Variants in USP13 observed in about 807,000 individuals in gnomAD.
The protein encoded by USP13 is ubiquitin carboxyl-terminal hydrolase 13.
USP13 carries 68 observed loss-of-function variants against 107.8 expected under a neutral mutation model. That is an observed-to-expected ratio of 0.63 (90% confidence interval 0.52 to 0.77). The LOEUF (loss-of-function observed/expected upper bound fraction) is 0.77. USP13 is among the 30% of genes least tolerant of loss of function. USP13 has a pLI of 0.00. For missense variants in USP13, 945 were observed against 1,093.3 expected (o/e 0.86, Z 1.91); for synonymous variants, 377 against 389.5 (o/e 0.97, Z 0.38).
In USP13 at chr3:179,721,462, C is replaced by T. The variant is rs1713313932; in HGVS notation, c.961C>T (p.Gln321Ter). 6.2e-7 allele frequency: 1 copy of T among 1,614,094 alleles called. No homozygotes were observed. Among genetic ancestry groups the T allele is most frequent in the Non-Finnish European group, 8.5e-7 (1 of 1,179,996 alleles). Residue 321 changes from glutamine to a stop codon, truncating the protein, a stop_gained, in exon 8 of 21, where the codon CAG becomes TAG. Transcript: ENST00000263966. LOFTEE classifies it high-confidence loss of function. The surrounding 1 kb of genome is among the most constrained non-coding windows in gnomAD (Gnocchi z 4.3). ...KLRVSEWEVI[Q>*]ESGTKLKPMY... ...GAGGGTCAGTGAGTGGGAAGTGATC[C>T]AGGAGTCGGGCACGAAACTGAAGCC...
In USP13 at chr3:179,688,166, CGTAT is replaced by C. The variant is rs1223611742; in HGVS notation, c.295-2074_295-2071del. 2.0e-4 allele frequency among the ~76,000 whole-genome samples: 27 copies of C among 136,086 alleles called. 1 individual carries two copies. The highest frequency in any genetic ancestry group is 2.9e-4 in the Admixed American group (4 of 13,636). The allele number at this position is 136,086 out of a possible 152,430, so 89.3% of individuals were successfully genotyped here. On this transcript the variant is annotated intron_variant, in intron 2 of 20. Coordinates refer to ENST00000263966, the MANE Select transcript of USP13 (RefSeq NM_003940.3). ...CCATCCATCCGTATATCCATCCATC[CGTAT>C]ATCCATCCATCCATCCATTCATCAA...
At chr3:179,737,870 A>G (rs1160152584) in intron 10 of USP13, among the ~76,000 whole-genome samples, 1 of 152,240 alleles carries the variant, frequency 6.6e-6, no homozygotes, top group Non-Finnish European at 1.5e-5. Flanking sequence ...TGCATGAAGC[A>G]GGCAGTCACT....
intron 1 of USP13, among the ~76,000 whole-genome samples, chr3:179,681,500 C>A (rs1428216391): frequency 6.6e-6 from 1 of 152,140 alleles, no homozygotes. Flanking sequence ...CTTAAACTAT[C>A]ACAAAGAGAT....
At chr3:179,684,174 T>A (rs1711774358) in intron 2 of USP13, among the ~76,000 whole-genome samples, 4 of 151,710 alleles carry the variant, frequency 2.6e-5, no homozygotes. Flanking sequence ...TTGGCCAGGA[T>A]GGTCTCGCTA....
chr3:179,687,868 G>A (rs1711934069), intron 2 of USP13, among the ~76,000 whole-genome samples: 1 of 151,872 alleles, frequency 6.6e-6, no homozygotes, highest in South Asian at 2.1e-4. Flanking sequence ...TCTTTTGCAT[G>A]TAATTATAAG....
intron 16 of USP13, among the ~76,000 whole-genome samples, chr3:179,760,409 G>T (rs1452422259): frequency 6.7e-6 from 1 of 149,160 alleles, no homozygotes; most frequent in Non-Finnish European, 1.5e-5. Context: ...TCAGCCTCCC[G>T]AGTAGCTGGG....
In USP13 at chr3:179,770,473, T is replaced by C. The variant is rs1372182795; in HGVS notation, c.2413+4625T>C. Among the ~76,000 whole-genome samples, 3 of 152,244 alleles carry C rather than the reference T, an allele frequency of 2.0e-5. No individual in the cohort carries two copies. In the East Asian group the frequency reaches 5.8e-4, roughly 29 times the overall value. On this transcript the variant is annotated intron_variant, in intron 19 of 20. Transcript: ENST00000263966. ...TTTGTAATTGGCCATTCTCTAGGGG[T>C]TTGACTGGCATTACATTAAATTTAT...
chr3:179,760,323 G>C (rs186048564), intron 16 of USP13, among the ~76,000 whole-genome samples: 109 of 126,784 alleles, frequency 8.6e-4, no homozygotes, highest in Middle Eastern at 6.4e-3. Flanking sequence ...TCACTCTTTC[G>C]CCCAGGCTGG....
intron 20 of USP13, among the ~76,000 whole-genome samples, chr3:179,783,806 T>C (rs1164043364): frequency 6.6e-6 from 1 of 151,720 alleles, no homozygotes; most frequent in African/African-American, 2.4e-5. Flanking sequence ...AGTTCGAAGC[T>C]TCAGATTGTG....
At chr3:179,730,403 T>C (rs1713758643) in intron 9 of USP13, 143 bp downstream of exon 9, 4 of 992,450 alleles carry the variant, frequency 4.0e-6, no homozygotes, top group Non-Finnish European at 5.8e-6. Context: ...GTGTTACTTT[T>C]ATAAGAAGAT....
At position 179,764,030 on chromosome 3, in the gene USP13, T is replaced by G; in HGVS notation, c.2121T>G (p.Gly707=). ...PDFAEPLTMP[G]YGGAASAGAS... ...TTGCTGAGCCGCTGACCATGCCTGG[T>G]TATGGAGGGGCAGCTTCTGCTGGAG... The change falls in exon 18 of 21, where the codon GGT becomes GGG. Residue 707 remains glycine (G), a synonymous_variant. Transcript: ENST00000263966. The G allele has an allele frequency of 6.2e-7, 1 of 1,613,752 alleles. No homozygotes were observed. The highest frequency in any genetic ancestry group is 8.5e-7 in the Non-Finnish European group (1 of 1,179,874).
chr3:179,772,861 A>G (rs1309690507), intron 19 of USP13, among the ~76,000 whole-genome samples: 1 of 152,126 alleles, frequency 6.6e-6, no homozygotes, highest in African/African-American at 2.4e-5. Flanking sequence ...ACCCTTTACA[A>G]TTCTGTTGCT....
intron 1 of USP13, among the ~76,000 whole-genome samples, chr3:179,668,924 A>G (rs1027219859): frequency 6.6e-6 from 1 of 152,232 alleles, no homozygotes; most frequent in African/African-American, 2.4e-5. Flanking sequence ...AAGCGAGAAT[A>G]TACTGGAGAT....
chr3:179,787,591 T>C lies in USP13; in HGVS notation c.*3450T>C, dbSNP rs1325891080. 1 of 152,250 alleles carries C rather than the reference T, an allele frequency of 6.6e-6. No individual in the cohort carries two copies. Among genetic ancestry groups the C allele is most frequent in the Non-Finnish European group, 1.5e-5 (1 of 68,134 alleles). 9.4% of individuals were successfully genotyped at this position (152,250 alleles called of 1,614,324 possible). Reference sequence around the variant, plus strand: ...TTCCTGCTCCACTTATCTATACTTTTTTGGGTAATCATCCCACTTTTTTTT... The same window carrying C: ...TTCCTGCTCCACTTATCTATACTTTCTTGGGTAATCATCCCACTTTTTTTT... On this transcript the variant is annotated 3_prime_UTR_variant, in exon 21 of 21. Coordinates refer to ENST00000263966, the MANE Select transcript of USP13 (RefSeq NM_003940.3).
intron 1 of USP13, among the ~76,000 whole-genome samples, chr3:179,658,163 C>T (rs901501680): frequency 6.6e-6 from 1 of 152,142 alleles, no homozygotes; most frequent in Non-Finnish European, 1.5e-5. Context: ...ACTATGTTGG[C>T]CAGGCTGGTC....
At chr3:179,741,198 T>A (rs991654349) in intron 11 of USP13, among the ~76,000 whole-genome samples, 6 of 151,910 alleles carry the variant, frequency 3.9e-5, no homozygotes, top group Non-Finnish European at 7.4e-5. Context: ...GTTTTTTGTT[T>A]GTTTGTTTGT....
In USP13 at chr3:179,678,036, G is replaced by A. The variant is rs1054192331; in HGVS notation, c.169-3842G>A. Among the ~76,000 whole-genome samples the A allele has an allele frequency of 3.9e-5, 6 of 152,038 alleles. No individual in the cohort carries two copies. Among genetic ancestry groups the A allele is most frequent in the African/African-American group, 1.4e-4 (6 of 41,452 alleles). On this transcript the variant is annotated intron_variant, in intron 1 of 20. Transcript: ENST00000263966. The surrounding 1 kb of genome is among the most constrained non-coding windows in gnomAD (Gnocchi z 4.2). ...TCTGTGTCGTGGGAATTATTGCTAC[G>A]GCCATGTTTATAGAGGAGAACACTG...
chr3:179,742,213 C>T lies in USP13; in HGVS notation c.1397C>T (p.Ser466Leu), dbSNP rs773932621. 2.4e-5 allele frequency: 39 copies of T among 1,614,114 alleles called. No individual in the cohort carries two copies. The highest frequency in any genetic ancestry group is 3.0e-5 in the Non-Finnish European group (35 of 1,180,056). The stretch of plus-strand genomic sequence containing the variant: ...ATCCTTCAGAGGAACCGCATCGGCT[C>T]AGAAAACCCAAGCGATGTTTTTCGT... ...VNLVERNRIGSENPSDVFRFL... is the reference protein window; with the variant it reads ...VNLVERNRIGLENPSDVFRFL... The change falls in exon 12 of 21, where the codon TCA (serine) becomes TTA (leucine). Residue 466 changes from serine to leucine, a missense_variant. By Grantham distance (145) the Ser-to-Leu change is moderately radical. Transcript: ENST00000263966. This position sits in a 1 kb window ranked among gnomAD's most constrained non-coding sequence, Gnocchi z 5.0.
At chr3:179,765,550 C>A in intron 18 of USP13, 145 bp from the exon 19 acceptor site, 1 of 902,456 alleles carries the variant, frequency 1.1e-6, no homozygotes, top group Non-Finnish European at 1.6e-6. Context: ...CATGCGGAGT[C>A]AGAGCTTCTT....
Sources: allele counts gnomAD v4.1 joint callset (sites outside exome capture counted in the v4.1 genomes callset), GRCh38; gene constraint gnomAD v4.1.1; non-coding constraint Gnocchi (gnomAD v3.1); transcripts MANE v1.5; gene names NCBI Gene and HGNC (gene_info 2026-07-23, HGNC 2026-07-21).